SEMA6D: variants seen among roughly 807,000 people sequenced by gnomAD.
SEMA6D encodes semaphorin-6D.
SEMA6D carries 35 observed loss-of-function variants against 106.6 expected under a neutral mutation model. The ratio of observed to expected loss-of-function variants is 0.33; its 90% CI spans 0.25 to 0.44. The LOEUF (loss-of-function observed/expected upper bound fraction) is 0.44. SEMA6D is among the 20% of genes least tolerant of loss of function. The pLI is 1.00. For missense variants in SEMA6D, 1,185 were observed against 1,345.9 expected (o/e 0.88, Z 1.87); for synonymous variants, 499 against 487.7 (o/e 1.02, Z -0.31).
intron 4 of SEMA6D, among the ~76,000 whole-genome samples, chr15:47,673,206 A>G (rs772006193): frequency 4.6e-5 from 7 of 152,204 alleles, no homozygotes; most frequent in Non-Finnish European, 1.0e-4. Context: ...TGCAAGAGTA[A>G]AATCTGTACC....
intron 1 of SEMA6D, among the ~76,000 whole-genome samples, chr15:47,289,845 G>A (rs2035526134): frequency 1.3e-5 from 2 of 151,836 alleles, no homozygotes; most frequent in Non-Finnish European, 2.9e-5. Context: ...ATCACCATCT[G>A]CAACCATGAC....
At chr15:47,521,717 G>A (rs1213123210) in intron 3 of SEMA6D, among the ~76,000 whole-genome samples, 1 of 152,148 alleles carries the variant, frequency 6.6e-6, no homozygotes, top group East Asian at 1.9e-4. Flanking sequence ...TGGGCACGGT[G>A]GCTCACGCCT....
At chr15:47,711,661 C>T (rs2079026851) in intron 4 of SEMA6D, among the ~76,000 whole-genome samples, 1 of 152,146 alleles carries the variant, frequency 6.6e-6, no homozygotes, top group African/African-American at 2.4e-5. Flanking sequence ...AAACATACAC[C>T]ACCCTTCACT....
At chr15:47,419,578 A>T (rs2041087097) in intron 2 of SEMA6D, among the ~76,000 whole-genome samples, 1 of 152,100 alleles carries the variant, frequency 6.6e-6, no homozygotes. Context: ...CACAGTAATG[A>T]AGAACATGGA....
In SEMA6D at chr15:47,765,865, A is replaced by G. The variant is rs2082310371; in HGVS notation, c.1428-4A>G. On this transcript the variant is annotated splice_polypyrimidine_tract_variant and splice_region_variant and intron_variant, in intron 13 of 18. Coordinates refer to ENST00000536845, the MANE Select transcript of SEMA6D (RefSeq NM_001358351.3). ...ATGGCTTCAAAATGTATCCCACAAAATAGGTGCAGTGCTGAGAATGAGGAA... is the reference window on the plus strand; with the variant it reads ...ATGGCTTCAAAATGTATCCCACAAAGTAGGTGCAGTGCTGAGAATGAGGAA... The G allele has an allele frequency of 6.7e-7, 1 of 1,492,664 alleles. No individual in the cohort carries two copies. Among genetic ancestry groups the G allele is most frequent in the Non-Finnish European group, 8.9e-7 (1 of 1,120,740 alleles). 92.5% of individuals were successfully genotyped at this position (1,492,664 alleles called of 1,614,324 possible). A position where few individuals can be genotyped will look rare whatever the true frequency, so the allele number is the denominator to read the frequency against.
At chr15:47,306,528 C>A (rs1281246153) in intron 1 of SEMA6D, among the ~76,000 whole-genome samples, 1 of 152,072 alleles carries the variant, frequency 6.6e-6, no homozygotes, top group Non-Finnish European at 1.5e-5. Context: ...TCAAGACCAG[C>A]CTGGCCAACA....
chr15:47,295,693 G>T (rs1051781717), intron 1 of SEMA6D, among the ~76,000 whole-genome samples: 1 of 152,222 alleles, frequency 6.6e-6, no homozygotes, highest in African/African-American at 2.4e-5. Context: ...TTCAATGTTA[G>T]AATTAAGCAC....
rs531868413 is a variant in SEMA6D at position 47,492,652 on chromosome 15, T to A, written c.-87+22107T>A. Among the ~76,000 whole-genome samples, 35 of 152,304 alleles carry A rather than the reference T, an allele frequency of 2.3e-4. 1 individual carries two copies. Among genetic ancestry groups the A allele is most frequent in the Admixed American group, 1.4e-3 (22 of 15,290 alleles). ...AATACCTTAAGTGAATTCTTAAAATTGTACTTAGGATGATATTTGGAATGC... is the reference window on the plus strand; with the variant it reads ...AATACCTTAAGTGAATTCTTAAAATAGTACTTAGGATGATATTTGGAATGC... On this transcript the variant is annotated intron_variant, in intron 3 of 19. Transcript: ENST00000558014.
chr15:47,410,781 C>T (rs1567060512), intron 1 of SEMA6D, among the ~76,000 whole-genome samples: 1 of 152,152 alleles, frequency 6.6e-6, no homozygotes, highest in Admixed American at 6.5e-5. Context: ...CTTATGCACA[C>T]TCACATTTGA....
intron 1 of SEMA6D, among the ~76,000 whole-genome samples, chr15:47,246,855 G>A (rs569439797): frequency 3.3e-5 from 5 of 152,214 alleles, no homozygotes; most frequent in South Asian, 2.1e-4. Context: ...CAGTCTCCTC[G>A]TGAGGGGATT....
intron 1 of SEMA6D, among the ~76,000 whole-genome samples, chr15:47,720,983 C>T (rs768699921): frequency 1.3e-5 from 2 of 152,114 alleles, no homozygotes; most frequent in Non-Finnish European, 1.5e-5. Context: ...AATTGATAGA[C>T]TTTAAGCCTG....
chr15:47,346,129 A>G (rs905935703), intron 1 of SEMA6D, among the ~76,000 whole-genome samples: 2 of 152,194 alleles, frequency 1.3e-5, no homozygotes, highest in Non-Finnish European at 2.9e-5. Context: ...AGAGTAACAC[A>G]AAGACTTAGT....
chr15:47,269,846 C>A (rs914616545), intron 1 of SEMA6D, among the ~76,000 whole-genome samples: 3 of 151,898 alleles, frequency 2.0e-5, no homozygotes, highest in Non-Finnish European at 4.4e-5. Context: ...CTTTAAACAT[C>A]TCCAAAGTTT....
chr15:47,668,800 A>C (rs1027335287), intron 4 of SEMA6D, among the ~76,000 whole-genome samples: 2 of 152,082 alleles, frequency 1.3e-5, no homozygotes, highest in Non-Finnish European at 2.9e-5. Flanking sequence ...ACCCAGGTTG[A>C]GTGTTGCCTC....
chr15:47,492,157 A>G lies in SEMA6D; in HGVS notation c.-87+21612A>G, dbSNP rs185724837. On this transcript the variant is annotated intron_variant, in intron 3 of 19. Coordinates refer to the SEMA6D transcript ENST00000558014. ...TGGCCATAAAGTATAAGAGTTCCCT[A>G]ATTACAAATGTTCAGTTCAAATGCT... Among the ~76,000 whole-genome samples, 60 of 152,334 alleles carry G rather than the reference A, an allele frequency of 3.9e-4. 1 individual carries two copies. The highest frequency in any genetic ancestry group is 1.3e-4 in the Non-Finnish European group (9 of 68,006).
intron 17 of SEMA6D, 116 bp from the exon 18 acceptor site, chr15:47,768,465 A>G: frequency 1.1e-6 from 1 of 914,476 alleles, no homozygotes; most frequent in South Asian, 2.4e-5. Context: ...TTTTTACAAA[A>G]TCCTAGAGCA....
chr15:47,393,918 G>A (rs539270233), intron 1 of SEMA6D, among the ~76,000 whole-genome samples: 1 of 152,260 alleles, frequency 6.6e-6, no homozygotes, highest in Non-Finnish European at 1.5e-5. Flanking sequence ...TATGGAGAAG[G>A]TATAATTAAT....
intron 2 of SEMA6D, among the ~76,000 whole-genome samples, chr15:47,468,430 C>T (rs2042728321): frequency 6.6e-6 from 1 of 152,120 alleles, no homozygotes; most frequent in African/African-American, 2.4e-5. Context: ...TTGTCCTACT[C>T]ATGGTACTCA....
intron 4 of SEMA6D, among the ~76,000 whole-genome samples, chr15:47,656,717 C>T (rs1158816863): frequency 6.6e-6 from 1 of 152,142 alleles, no homozygotes; most frequent in Admixed American, 6.5e-5. Context: ...GCATCAAATG[C>T]AGTTGATATA....
Sources: allele counts gnomAD v4.1 joint callset (sites outside exome capture counted in the v4.1 genomes callset), GRCh38; gene constraint gnomAD v4.1.1; transcripts MANE v1.5; gene names NCBI Gene and HGNC (gene_info 2026-07-23, HGNC 2026-07-21).